Variants in ATP13A1 observed in about 807,000 individuals in gnomAD.
ATP13A1 encodes the protein ATPase 13A1, also known as endoplasmic reticulum transmembrane helix translocase.
Under a neutral mutation model 134.8 loss-of-function variants are expected in ATP13A1, and 55 were observed. The ratio of observed to expected loss-of-function variants is 0.41; its 90% CI spans 0.33 to 0.51. The LOEUF (loss-of-function observed/expected upper bound fraction) is 0.51, where lower values mean the gene tolerates loss of function less well. Ranked by LOEUF, ATP13A1 falls within the 20% of genes least tolerant of loss-of-function variation. The pLI is 0.29. For synonymous variants in ATP13A1, 775 were observed against 725.1 expected, an observed-to-expected ratio of 1.07 and a Z score of -1.10; for missense variants, 1,389 against 1,652.8, an observed-to-expected ratio of 0.84 and a Z score of 2.77.
chr19:19,654,551 A>G lies in ATP13A1; in HGVS notation c.1805T>C (p.Leu602Pro). ...KAMLTAVDWT[L>P]TKDEKVFPRS... The stretch of plus-strand genomic sequence containing the variant: ...AGGCCCCAGCCCCTCACCTTTGGTC[A>G]GCGTCCAGTCCACGGCCGTCAGCAT... The change falls in exon 13 of 26, where the codon CTG (leucine) becomes CCG (proline). Residue 602 changes from leucine (L) to proline (P), a missense_variant. Leu to Pro is a moderately conservative substitution (Grantham distance 98). Transcript: ENST00000357324. 1 of 1,607,590 alleles carries G rather than the reference A, an allele frequency of 6.2e-7. No homozygotes were observed. The highest frequency in any genetic ancestry group is 8.5e-7 in the Non-Finnish European group (1 of 1,177,434).
chr19:19,652,453 G>A, intron 16 of ATP13A1, 142 bp downstream of exon 16: 4 of 1,275,494 alleles, frequency 3.1e-6, no homozygotes, highest in Non-Finnish European at 4.2e-6. Flanking sequence ...CAGTGGCAAT[G>A]TTAGCACCTG....
chr19:19,655,490 G>A lies in ATP13A1; in HGVS notation c.1397-37C>T, dbSNP rs377439283. 9.4e-5 allele frequency: 151 copies of A among 1,613,882 alleles called. No individual in the cohort carries two copies. The highest frequency in any genetic ancestry group is 3.0e-4 in the Admixed American group (18 of 59,998). ...GGGCCTGCCAACCTGGAGCCTCGGA[G>A]GGTGGGCGCAGGGGACCACAGAGGC... On this transcript the variant is annotated intron_variant, in intron 10 of 25. Transcript: ENST00000357324. This position sits in a 1 kb window ranked among gnomAD's most constrained non-coding sequence, Gnocchi z 5.7.
rs767506356 is a variant in ATP13A1, at chr19:19,645,386, C to A, written c.*36G>T. The A allele has an allele frequency of 1.9e-6, 3 of 1,561,982 alleles. No individual in the cohort carries two copies. The Admixed American group carries it at 5.8e-5, about 30-fold the overall frequency. On this transcript the variant is annotated 3_prime_UTR_variant, in exon 26 of 26. Transcript: ENST00000357324. The surrounding 1 kb of genome is among the most constrained non-coding windows in gnomAD (Gnocchi z 4.1). Reference sequence around the variant, plus strand: ...CCCTGTTGGGGTTCCCGCCCAGCGGCAGCCAGGGTGGGCAGTGGGTACCAG... The same window carrying A: ...CCCTGTTGGGGTTCCCGCCCAGCGGAAGCCAGGGTGGGCAGTGGGTACCAG...
chr19:19,649,609 C>A lies in ATP13A1; in HGVS notation c.2590G>T (p.Asp864Tyr). ...AGGGCGCCCACGTCGTTGGTGCCAT[C>A]CCCACACATGAGGGTCACGTAGCCC... The part of the protein sequence containing the change: ...ELGYVTLMCG[D>Y]GTNDVGALKH... Residue 864 changes from aspartate to tyrosine, a missense_variant, in exon 19 of 26, where the codon GAT becomes TAT. By Grantham distance (160) the Asp-to-Tyr change is radical. This residue lies in a region of ATP13A1 where 747 missense variants were observed against 956.1 expected (regional missense o/e 0.78). Transcript: ENST00000357324. 1 of 1,613,926 alleles carries A rather than the reference C, an allele frequency of 6.2e-7. No individual in the cohort carries two copies. Among genetic ancestry groups the A allele is most frequent in the Non-Finnish European group, 8.5e-7 (1 of 1,179,866 alleles).
intron 3 of ATP13A1, among the ~76,000 whole-genome samples, chr19:19,657,919 CAGG>C (rs1309825889): frequency 6.6e-6 from 1 of 152,026 alleles, no homozygotes; most frequent in Non-Finnish European, 1.5e-5. Context: ...GAGGCCGAGG[CAGG>C]AGGAGTGCTT....
At chr19:19,659,821 G>T in intron 2 of ATP13A1, 30 bp from the exon 3 acceptor site, 1 of 1,608,022 alleles carries the variant, frequency 6.2e-7, no homozygotes, top group East Asian at 2.2e-5. Context: ...TGCCACAGAG[G>T]CCCCTGACCT....
rs747405041 is a variant in ATP13A1 at position 19,653,953 on chromosome 19, G to A, written c.1989+16C>T. The A allele has an allele frequency of 6.3e-7, 1 of 1,585,514 alleles. No individual in the cohort carries two copies. Among genetic ancestry groups the A allele is most frequent in the Non-Finnish European group, 8.6e-7 (1 of 1,166,574 alleles). ...CCCGCGCCCCCACCCCTTGCCCCAG[G>A]CTGGGGCCAGCTCACCATGGAGTGC... On this transcript the variant is annotated intron_variant, in intron 14 of 25. Transcript: ENST00000357324. This position sits in a 1 kb window ranked among gnomAD's most constrained non-coding sequence, Gnocchi z 4.2.
At position 19,656,838 on chromosome 19, in the gene ATP13A1, C is replaced by T. The variant is rs774046958; in HGVS notation, c.976+9G>A. 32 of 1,612,152 alleles carry T rather than the reference C, an allele frequency of 2.0e-5. No homozygotes were observed. Among genetic ancestry groups the T allele is most frequent in the South Asian group, 1.3e-4 (12 of 90,904 alleles). On this transcript the variant is annotated intron_variant, in intron 6 of 25. Transcript: ENST00000357324. This position sits in a 1 kb window ranked among gnomAD's most constrained non-coding sequence, Gnocchi z 4.6. ...GCTCCCACTGGGACTGAGCGGAACC[C>T]GGCCTCACCGATGGAGACGATGTCC...
In ATP13A1 at chr19:19,663,600, C is replaced by G. The variant is rs977957559; in HGVS notation, c.67G>C (p.Asp23His). The G allele has an allele frequency of 1.4e-6, 2 of 1,422,750 alleles. No individual in the cohort carries two copies. Among genetic ancestry groups the G allele is most frequent in the Non-Finnish European group, 1.8e-6 (2 of 1,099,530 alleles). 88.1% of individuals were successfully genotyped at this position (1,422,750 alleles called of 1,614,324 possible). ...CGARPCGVRP[D>H]GQPKPGPQPR... ...TGCGGCCCGGGCTTGGGCTGCCCGT[C>G]AGGCCGGACCCCGCAAGGCCGGGCC... The change falls in exon 1 of 26, where the codon GAC (aspartate) becomes CAC (histidine). Residue 23 changes from aspartate (D) to histidine (H), a missense_variant. By Grantham distance (81) the Asp-to-His change is moderately conservative. Transcript: ENST00000357324.
chr19:19,646,759 C>T lies in ATP13A1; in HGVS notation c.3105+370G>A, dbSNP rs181577805. ...GGCCGCTGGCCCCCCTGGTTCTTTA[C>T]GCCTTGGCCTGAGTGTCGGTGTCGC... On this transcript the variant is annotated intron_variant, in intron 22 of 25. Coordinates refer to ENST00000357324, the MANE Select transcript of ATP13A1 (RefSeq NM_020410.3). The T allele has an allele frequency of 7.7e-4, 287 of 373,386 alleles. 1 individual carries two copies. Among genetic ancestry groups the T allele is most frequent in the East Asian group, 3.6e-4 (7 of 19,704 alleles). The allele number at this position is 373,386 out of a possible 1,614,324, so 23.1% of individuals were successfully genotyped here.
Position 19,652,656 on chromosome 19 carries a change from G to A in ATP13A1, c.2165C>T (p.Ser722Phe). Residue 722 changes from serine to phenylalanine, a missense_variant, in exon 16 of 26, where the codon TCC (serine) becomes TTC (phenylalanine). Ser to Phe is a radical substitution (Grantham distance 155). Coordinates refer to ENST00000357324, the MANE Select transcript of ATP13A1 (RefSeq NM_020410.3). ...CTTGGAGTCAGCCTTGAGCGGGCAG[G>A]AGACCACAATGAAGCCGACGAACTT... ...SLKFVGFIVV[S>F]CPLKADSKAV... 1 of 1,609,082 alleles carries A rather than the reference G, an allele frequency of 6.2e-7. No individual in the cohort carries two copies. Among genetic ancestry groups the A allele is most frequent in the Non-Finnish European group, 8.5e-7 (1 of 1,178,116 alleles).
chr19:19,663,578 GGCCCGGGCTTGGGCT>G lies in ATP13A1; in HGVS notation c.74_88del (p.Gln25_Gly29del), dbSNP rs1315822470. 2.0e-6 allele frequency: 3 copies of G among 1,495,052 alleles called. No individual in the cohort carries two copies. The highest frequency in any genetic ancestry group is 2.7e-6 in the Non-Finnish European group (3 of 1,131,344). The allele number at this position is 1,495,052 out of a possible 1,614,324, so 92.6% of individuals were successfully genotyped here. A position where few individuals can be genotyped will look rare whatever the true frequency, so the allele number is the denominator to read the frequency against. On this transcript the variant is annotated inframe_deletion, in exon 1 of 26. Coordinates refer to ENST00000357324, the MANE Select transcript of ATP13A1 (RefSeq NM_020410.3). ...GGCGGCAAGGAGCGCGCGCGGCTGC[GGCCCGGGCTTGGGCT>G]GCCCGTCAGGCCGGACCCCGCAAGG...
In ATP13A1 at chr19:19,647,388, A is replaced by AG; in HGVS notation, c.2908+25dup. ...GGGGTGCCAAGGGGGGAATGAAGGG[A>AG]GGGGGAGCGGGGGCAGGCAACTCAC... On this transcript the variant is annotated intron_variant, in intron 21 of 25. Transcript: ENST00000357324. This position sits in a 1 kb window ranked among gnomAD's most constrained non-coding sequence, Gnocchi z 4.8. 2 of 1,482,826 alleles carry AG rather than the reference A, an allele frequency of 1.3e-6. No homozygotes were observed. The highest frequency in any genetic ancestry group is 9.1e-7 in the Non-Finnish European group (1 of 1,093,944). 91.9% of individuals were successfully genotyped at this position (1,482,826 alleles called of 1,614,324 possible). A position where few individuals can be genotyped will look rare whatever the true frequency, so the allele number is the denominator to read the frequency against.
intron 1 of ATP13A1, among the ~76,000 whole-genome samples, chr19:19,660,822 G>A (rs995128100): frequency 1.9e-4 from 28 of 151,202 alleles, no homozygotes; most frequent in Admixed American, 1.6e-3. Flanking sequence ...GCTCACACCT[G>A]TAATCCCAGC....
Position 19,663,391 on chromosome 19 carries a change from A to G in ATP13A1, c.276T>C (p.Ser92=), listed in dbSNP as rs1231927308. Residue 92 remains serine (S), a synonymous_variant, in exon 1 of 26, where the codon AGT becomes AGC. Transcript: ENST00000357324. ...GCGCAGCTTCGGGGATCTGCACCCA[A>G]CTGCTGCCCCAGCCCCAGCAGCCAG... ...AAAGCWGWGS[S]WVQIPEAALL... 1.3e-6 allele frequency: 2 copies of G among 1,586,022 alleles called. No homozygotes were observed. The highest frequency in any genetic ancestry group is 8.6e-7 in the Non-Finnish European group (1 of 1,168,026).
intron 3 of ATP13A1, among the ~76,000 whole-genome samples, chr19:19,659,193 G>A (rs989431428): frequency 4.6e-5 from 7 of 152,156 alleles, no homozygotes; most frequent in Non-Finnish European, 1.0e-4. Context: ...AGTGGCTCAC[G>A]CCTGTAATCC....
At position 19,649,592 on chromosome 19, in the gene ATP13A1, C is replaced by T. The variant is rs375208347; in HGVS notation, c.2607G>A (p.Val869=). 4.3e-6 allele frequency: 7 copies of T among 1,613,666 alleles called. No homozygotes were observed. In the African/African-American group the frequency reaches 6.7e-5, roughly 15 times the overall value. ...CCACGTCAGCATGCTTCAGGGCGCCCACGTCGTTGGTGCCATCCCCACACA... is the reference window on the plus strand; with the variant it reads ...CCACGTCAGCATGCTTCAGGGCGCCTACGTCGTTGGTGCCATCCCCACACA... ...TLMCGDGTND[V]GALKHADVGV... Residue 869 remains valine (V), a synonymous_variant, in exon 19 of 26, where the codon GTG becomes GTA. Coordinates refer to ENST00000357324, the MANE Select transcript of ATP13A1 (RefSeq NM_020410.3).
Position 19,659,729 on chromosome 19 carries a change from G to A in ATP13A1, c.549C>T (p.Ala183=), listed in dbSNP as rs941098547. 3.1e-6 allele frequency: 5 copies of A among 1,613,814 alleles called. No individual in the cohort carries two copies. In the African/African-American group the frequency reaches 5.3e-5, roughly 17 times the overall value. Residue 183 remains alanine, a synonymous_variant, in exon 3 of 26, where the codon GCC becomes GCT. Coordinates refer to ENST00000357324, the MANE Select transcript of ATP13A1 (RefSeq NM_020410.3). ...CGGGGAGAAACTGCTTCTTCTCCAG[G>A]GCATCGTAGGAATACTTGATCTTCT... ...EFQKIKYSYD[A]LEKKQFLPVA... is the part of the protein sequence containing the mutation.
chr19:19,658,540 C>T (rs772269961), intron 3 of ATP13A1, among the ~76,000 whole-genome samples: 6 of 152,210 alleles, frequency 3.9e-5, no homozygotes, highest in Non-Finnish European at 8.8e-5. Context: ...TATTTGTAAT[C>T]TCTGAACAGT....
Sources: gnomAD v4.1 joint callset for allele counts (sites outside exome capture counted in the v4.1 genomes callset) on GRCh38, gnomAD v4.1.1 for gene constraint, gnomAD v4.1.1 regional missense constraint, Gnocchi (gnomAD v3.1) non-coding constraint, MANE v1.5 for transcripts, NCBI Gene and HGNC (gene_info 2026-07-23, HGNC 2026-07-21) for gene names.